Variants in EIPR1 observed in about 807,000 individuals in gnomAD.
The protein encoded by EIPR1 is EARP and GARP complex-interacting protein 1.
EIPR1 carries 25 observed loss-of-function variants against 48.1 expected under a neutral mutation model. That is an observed-to-expected ratio of 0.52 (90% CI 0.38 to 0.73). The LOEUF is 0.73. Ranked by LOEUF, EIPR1 falls within the 30% of genes least tolerant of loss-of-function variation. The pLI is 0.00. For missense variants in EIPR1, 415 were observed against 506.2 expected, an observed-to-expected ratio of 0.82 and a Z score of 1.73; for synonymous variants, 204 against 201.9, an observed-to-expected ratio of 1.01 and a Z score of -0.09.
intron 3 of EIPR1, among the ~76,000 whole-genome samples, chr2:3,260,595 T>G (rs1008822524): frequency 6.6e-6 from 1 of 151,750 alleles, no homozygotes; most frequent in Non-Finnish European, 1.5e-5. Context: ...AAAGACAGAC[T>G]GGGGGAGATA....
chr2:3,228,848 C>T (rs1378954162), intron 4 of EIPR1, among the ~76,000 whole-genome samples: 2 of 152,182 alleles, frequency 1.3e-5, no homozygotes, highest in African/African-American at 4.8e-5. Context: ...GTGCCTGCTT[C>T]TTCTTTGCGT....
chr2:3,280,633 C>T (rs1667987482), intron 3 of EIPR1, among the ~76,000 whole-genome samples: 2 of 152,202 alleles, frequency 1.3e-5, no homozygotes, highest in Non-Finnish European at 2.9e-5. Flanking sequence ...CAAGTATCCG[C>T]TCTGATTTTA....
chr2:3,198,501 C>G (rs957880840), intron 5 of EIPR1, among the ~76,000 whole-genome samples: 1 of 152,214 alleles, frequency 6.6e-6, no homozygotes, highest in Non-Finnish European at 1.5e-5. Flanking sequence ...TTTTTGGAAA[C>G]TGAAAGCCAC....
At chr2:3,319,421 G>A (rs961755816) in intron 3 of EIPR1, 1 of 174,756 alleles carries the variant, frequency 5.7e-6, no homozygotes, top group South Asian at 1.3e-4. Flanking sequence ...CACTCGATGG[G>A]AGCTGTCATT....
intron 3 of EIPR1, among the ~76,000 whole-genome samples, chr2:3,264,959 A>G (rs578213543): frequency 6.6e-6 from 1 of 152,312 alleles, no homozygotes; most frequent in South Asian, 2.1e-4. Context: ...TGCTGGGATT[A>G]CAGGCTTGAG....
intron 3 of EIPR1, among the ~76,000 whole-genome samples, chr2:3,289,466 C>T (rs1262190058): frequency 1.3e-5 from 2 of 152,104 alleles, no homozygotes; most frequent in Non-Finnish European, 2.9e-5. Flanking sequence ...ACTGAGGGAC[C>T]ACGGGATCCT....
chr2:3,190,996 A>T (rs2103100780), intron 8 of EIPR1, among the ~76,000 whole-genome samples: 1 of 152,330 alleles, frequency 6.6e-6, no homozygotes, highest in South Asian at 2.1e-4. Flanking sequence ...TGAGAGGCTG[A>T]GGTGAGAGGA....
At chr2:3,262,063 G>A (rs1224201913) in intron 3 of EIPR1, 1 of 152,264 alleles carries the variant, frequency 6.6e-6, no homozygotes, top group Non-Finnish European at 1.5e-5. Context: ...TGCCAGCTGT[G>A]GAGTCTTGTT....
At chr2:3,352,573 AC>A (rs1260578265) in intron 2 of EIPR1, among the ~76,000 whole-genome samples, 2 of 152,260 alleles carry the variant, frequency 1.3e-5, no homozygotes. Flanking sequence ...ATCACCCAAA[AC>A]AGATACTCCT....
At chr2:3,266,478 C>A (rs1667493224) in intron 3 of EIPR1, among the ~76,000 whole-genome samples, 1 of 152,236 alleles carries the variant, frequency 6.6e-6, no homozygotes. Context: ...GCACCATGTA[C>A]AGATTGCATC....
rs537591419 is a variant in EIPR1, at chr2:3,268,251, G to A, written c.260-10796C>T. On this transcript the variant is annotated intron_variant, in intron 3 of 8. Coordinates refer to ENST00000382125, the MANE Select transcript of EIPR1 (RefSeq NM_003310.5). ...CGCCAGCATCCTGGTTCCCTCTGAA[G>A]GCACCTGTGGGGCCTATCTGCACCC... 3.9e-5 allele frequency among the ~76,000 whole-genome samples: 6 copies of A among 152,336 alleles called. No homozygotes were observed. The South Asian group carries it at 1.2e-3, about 32-fold the overall frequency.
chr2:3,277,916 C>T (rs932036684), intron 3 of EIPR1, among the ~76,000 whole-genome samples: 5 of 152,204 alleles, frequency 3.3e-5, no homozygotes, highest in African/African-American at 9.7e-5. Context: ...ACTTCCTCGG[C>T]CCGTCCCTGC....
At chr2:3,275,258 AT>A (rs1292301552) in intron 3 of EIPR1, among the ~76,000 whole-genome samples, 1 of 150,768 alleles carries the variant, frequency 6.6e-6, no homozygotes, top group African/African-American at 2.5e-5. Flanking sequence ...CCATATTAAT[AT>A]TTGCCAAAAT....
chr2:3,364,590 G>A (rs1670930474), intron 1 of EIPR1, among the ~76,000 whole-genome samples: 3 of 151,216 alleles, frequency 2.0e-5, no homozygotes, highest in African/African-American at 2.4e-5. Context: ...AGCCGAGATT[G>A]TACCACTGCA....
At chr2:3,194,385 G>A (rs561722331) in intron 6 of EIPR1, 48 of 456,994 alleles carry the variant, frequency 1.1e-4, no homozygotes, top group Middle Eastern at 1.2e-3. Context: ...CTCCAGAAGC[G>A]TATCTGTGAC....
intron 4 of EIPR1, among the ~76,000 whole-genome samples, chr2:3,256,685 C>T (rs553344377): frequency 2.6e-5 from 4 of 152,326 alleles, no homozygotes; most frequent in Non-Finnish European, 5.9e-5. Context: ...TTAGAAAATA[C>T]GGCTTCTTAA....
intron 3 of EIPR1, among the ~76,000 whole-genome samples, chr2:3,273,973 TAA>T (rs961752082): frequency 6.6e-6 from 1 of 152,032 alleles, no homozygotes; most frequent in Non-Finnish European, 1.5e-5. Context: ...GGAATCTTCT[TAA>T]AAAAAATAAT....
Position 3,369,990 on chromosome 2 carries a change from C to T in EIPR1, c.42+7658G>A, listed in dbSNP as rs553927799. 1.1e-3 allele frequency among the ~76,000 whole-genome samples: 161 copies of T among 150,808 alleles called. 2 individuals are homozygous for T. Among genetic ancestry groups the T allele is most frequent in the African/African-American group, 3.9e-3 (159 of 41,264 alleles). On this transcript the variant is annotated intron_variant, in intron 1 of 8. Coordinates refer to ENST00000382125, the MANE Select transcript of EIPR1 (RefSeq NM_003310.5). ...CAGCCTAACTGGGAGGCACCCCCCC[C>T]GTAGGGGCAGACTGACACCTCACAC...
chr2:3,236,006 A>G (rs1291573158), intron 4 of EIPR1, among the ~76,000 whole-genome samples: 1 of 152,134 alleles, frequency 6.6e-6, no homozygotes, highest in Non-Finnish European at 1.5e-5. Context: ...AATCACGGTA[A>G]GAGCAACATC....
Sources: allele counts gnomAD v4.1 joint callset (sites outside exome capture counted in the v4.1 genomes callset), GRCh38; gene constraint gnomAD v4.1.1; transcripts MANE v1.5; gene names NCBI Gene and HGNC (gene_info 2026-07-23, HGNC 2026-07-21).